The following NDUFAF2 variants were observed in gnomAD, a reference collection of about 807,000 sequenced individuals.
NDUFAF2 encodes the protein NADH dehydrogenase [ubiquinone] 1 alpha subcomplex assembly factor 2.
In NDUFAF2, 13 loss-of-function variants were observed where a neutral mutation model predicts 22.8. The observed-to-expected ratio is 0.57, with a 90% confidence interval of 0.37 to 0.91. The LOEUF (loss-of-function observed/expected upper bound fraction) is 0.91, where lower values mean the gene tolerates loss of function less well. Among genes scored for constraint, NDUFAF2 ranks in the 40% least tolerant of loss-of-function variants. The probability of loss-of-function intolerance (pLI) is 0.01; values close to 1 mark genes in which losing one functional copy is unlikely to be tolerated. For missense variants in NDUFAF2, 162 were observed against 195.2 expected (o/e 0.83, Z 1.01); for synonymous variants, 53 against 64.2 (o/e 0.83, Z 0.84).
At chr5:60,997,400 G>C (rs1451250797) in intron 1 of NDUFAF2, among the ~76,000 whole-genome samples, 1 of 152,104 alleles carries the variant, frequency 6.6e-6, no homozygotes, top group East Asian at 1.9e-4. Flanking sequence ...AAAATAATAA[G>C]TTAGCTAGAA....
At chr5:60,979,480 C>A (rs188135223) in intron 1 of NDUFAF2, among the ~76,000 whole-genome samples, 1 of 152,128 alleles carries the variant, frequency 6.6e-6, no homozygotes, top group Middle Eastern at 3.4e-3. Flanking sequence ...CATAAGCTGG[C>A]CGAAAAGCCC....
intron 1 of NDUFAF2, among the ~76,000 whole-genome samples, chr5:61,071,203 C>CT (rs987048416): frequency 1.5e-4 from 23 of 152,158 alleles, no homozygotes; most frequent in Non-Finnish European, 2.6e-4. Context: ...GTTCCTACCA[C>CT]TTTTAGTATC....
At chr5:61,080,618 A>G (rs1447106912) in intron 2 of NDUFAF2, among the ~76,000 whole-genome samples, 1 of 152,170 alleles carries the variant, frequency 6.6e-6, no homozygotes, top group Admixed American at 6.5e-5. Context: ...GACCTAGATC[A>G]TCTTTTCATG....
chr5:61,098,832 T>C (rs1752673780), intron 2 of NDUFAF2, among the ~76,000 whole-genome samples, 160 bp from the exon 3 acceptor site: 1 of 152,196 alleles, frequency 6.6e-6, no homozygotes, highest in South Asian at 2.1e-4. Context: ...CAGTAGTACA[T>C]GTGCTACAGT....
chr5:61,031,529 AGT>A (rs1389859020), intron 1 of NDUFAF2, among the ~76,000 whole-genome samples: 2 of 151,950 alleles, frequency 1.3e-5, no homozygotes, highest in Non-Finnish European at 2.9e-5. Context: ...TATACTGCAT[AGT>A]ATTCCATGGT....
intron 1 of NDUFAF2, among the ~76,000 whole-genome samples, chr5:61,033,262 G>T (rs1358672857): frequency 6.6e-6 from 1 of 152,138 alleles, no homozygotes; most frequent in Non-Finnish European, 1.5e-5. Context: ...TTTTCACATA[G>T]ATGACTTTAA....
intron 1 of NDUFAF2, among the ~76,000 whole-genome samples, chr5:60,983,161 C>T (rs1292603466): frequency 6.6e-6 from 1 of 150,798 alleles, no homozygotes; most frequent in African/African-American, 2.4e-5. Flanking sequence ...TGATGATGAG[C>T]ATTTTTTCAT....
At chr5:61,040,270 ACACACACACACACACACGCG>A (rs1751855341) in intron 1 of NDUFAF2, among the ~76,000 whole-genome samples, 1 of 119,294 alleles carries the variant, frequency 8.4e-6, no homozygotes, top group Admixed American at 8.0e-5. Context: ...ACACACACAC[ACACACACACACACACACGCG>A]CGCGCGCGCG....
At chr5:61,099,422 C>A (rs1255070185) in intron 3 of NDUFAF2, among the ~76,000 whole-genome samples, 1 of 151,014 alleles carries the variant, frequency 6.6e-6, no homozygotes, top group Non-Finnish European at 1.5e-5. Context: ...ATCTCTTTGT[C>A]TTGTCCAAAT....
chr5:61,115,186 A>G (rs892485676), intron 3 of NDUFAF2: 1 of 152,292 alleles, frequency 6.6e-6, no homozygotes, highest in African/African-American at 2.4e-5. Context: ...CCCCATGGCC[A>G]CCACCACCCC....
chr5:61,139,735 C>G (rs1204339725), intron 3 of NDUFAF2, among the ~76,000 whole-genome samples: 1 of 152,204 alleles, frequency 6.6e-6, no homozygotes, highest in African/African-American at 2.4e-5. Flanking sequence ...GCTGCTGGTC[C>G]CAGATGAAAC....
intron 3 of NDUFAF2, among the ~76,000 whole-genome samples, chr5:61,151,336 C>CTT (rs796373419): frequency 6.9e-6 from 1 of 145,504 alleles, no homozygotes; most frequent in Admixed American, 6.9e-5. Flanking sequence ...CTTGACAGAA[C>CTT]TTTTTTTTTT....
At chr5:60,948,700 C>T (rs924186926) in intron 1 of NDUFAF2, among the ~76,000 whole-genome samples, 1 of 152,054 alleles carries the variant, frequency 6.6e-6, no homozygotes, top group African/African-American at 2.4e-5. Context: ...TATCCATTCA[C>T]CTGTTCATAG....
At chr5:61,038,636 T>A (rs1751832814) in intron 1 of NDUFAF2, among the ~76,000 whole-genome samples, 1 of 152,224 alleles carries the variant, frequency 6.6e-6, no homozygotes, top group Non-Finnish European at 1.5e-5. Flanking sequence ...ACCAAAATCA[T>A]GTTAGGGACC....
In NDUFAF2 at chr5:60,968,479, G is replaced by A. The variant is rs577269095; in HGVS notation, c.127+23097G>A. On this transcript the variant is annotated intron_variant, in intron 1 of 3. Coordinates refer to ENST00000296597, the MANE Select transcript of NDUFAF2 (RefSeq NM_174889.5). ...TAAGTGTTCATTGCCTTAAATTTTCGTCATAGAACTACTTTTGTTACACGC... is the reference window on the plus strand; with the variant it reads ...TAAGTGTTCATTGCCTTAAATTTTCATCATAGAACTACTTTTGTTACACGC... Among the ~76,000 whole-genome samples, 248 of 151,024 alleles carry A rather than the reference G, an allele frequency of 1.6e-3. 1 individual carries two copies. Among genetic ancestry groups the A allele is most frequent in the African/African-American group, 5.7e-3 (233 of 41,136 alleles).
chr5:61,078,099 G>A (rs997493869), intron 2 of NDUFAF2, among the ~76,000 whole-genome samples: 1 of 152,046 alleles, frequency 6.6e-6, no homozygotes, highest in African/African-American at 2.4e-5. Flanking sequence ...TAGGTGAGAT[G>A]TTCCTTTTTT....
intron 1 of NDUFAF2, among the ~76,000 whole-genome samples, chr5:60,974,160 A>C (rs948829525): frequency 6.6e-6 from 1 of 152,192 alleles, no homozygotes; most frequent in Admixed American, 6.5e-5. Flanking sequence ...ATCAGCTGCC[A>C]GTGCTGCTAG....
At chr5:61,064,746 C>T (rs13360962) in intron 1 of NDUFAF2, among the ~76,000 whole-genome samples, 7,040 of 151,804 alleles carry the variant, frequency 0.046, 556 homozygotes, top group African/African-American at 0.16. Flanking sequence ...CTAAGAGGGA[C>T]ATTATAGCAA....
At chr5:60,962,272 A>G (rs1198863602) in intron 1 of NDUFAF2, among the ~76,000 whole-genome samples, 1 of 151,740 alleles carries the variant, frequency 6.6e-6, no homozygotes, top group Non-Finnish European at 1.5e-5. Flanking sequence ...ATTTGTCTCC[A>G]TGGAATTAAC....
Sources: allele counts gnomAD v4.1 joint callset (sites outside exome capture counted in the v4.1 genomes callset), GRCh38; gene constraint gnomAD v4.1.1; transcripts MANE v1.5; gene names NCBI Gene and HGNC (gene_info 2026-07-23, HGNC 2026-07-21).